The following DTWD2 variants were observed in gnomAD, a reference collection of about 807,000 sequenced individuals.
DTWD2 encodes tRNA-uridine aminocarboxypropyltransferase 2.
In DTWD2, 39 loss-of-function variants were observed where a neutral mutation model predicts 31.8. The ratio of observed to expected loss-of-function variants is 1.22; its 90% CI spans 0.95 to 1.60. DTWD2 has a LOEUF of 1.60. Ranked by LOEUF, DTWD2 falls within the 40% of genes most tolerant of loss-of-function variation. The pLI, the probability that DTWD2 is intolerant of heterozygous loss-of-function variation, is 0.00. For missense variants in DTWD2, 515 were observed against 381.5 expected (o/e 1.35, Z -2.92); for synonymous variants, 180 against 142.8 (o/e 1.26, Z -1.86).
intron 2 of DTWD2, among the ~76,000 whole-genome samples, chr5:118,941,625 G>A (rs1451334976): frequency 6.6e-6 from 1 of 152,164 alleles, no homozygotes; most frequent in African/African-American, 2.4e-5. Flanking sequence ...TGTGAGTAGT[G>A]CTGCAATAAA....
intron 1 of DTWD2, among the ~76,000 whole-genome samples, chr5:118,947,457 C>A (rs964928028): frequency 6.6e-6 from 1 of 152,148 alleles, no homozygotes; most frequent in African/African-American, 2.4e-5. Flanking sequence ...GCTGGACTCT[C>A]CGAAGCAACA....
chr5:118,901,513 G>C (rs1022935014), intron 4 of DTWD2, among the ~76,000 whole-genome samples: 9 of 152,032 alleles, frequency 5.9e-5, no homozygotes, highest in Admixed American at 2.6e-4. Context: ...TTGCTATCTT[G>C]CCTAAGTCAC....
intron 4 of DTWD2, among the ~76,000 whole-genome samples, chr5:118,889,899 G>C (rs766537129): frequency 6.6e-6 from 1 of 152,036 alleles, no homozygotes; most frequent in African/African-American, 2.4e-5. Flanking sequence ...CTTCAAAAAC[G>C]TATGCATCAT....
chr5:118,862,081 C>T (rs1561430871), intron 4 of DTWD2, among the ~76,000 whole-genome samples: 3 of 152,206 alleles, frequency 2.0e-5, no homozygotes, highest in South Asian at 4.1e-4. Flanking sequence ...GTCAGATCCA[C>T]CACAGCACTA....
In DTWD2 at chr5:118,839,158, T is replaced by C. The variant is rs1580757240; in HGVS notation, c.*1759A>G. On this transcript the variant is annotated 3_prime_UTR_variant, in exon 6 of 6. Transcript: ENST00000510708. ...GCCTGGGCGACAGAGCGAGATTCCA[T>C]CTCAAATAATAATAATAATAATAAT... The C allele has an allele frequency of 7.1e-6, 1 of 141,250 alleles. No individual in the cohort carries two copies. The highest frequency in any genetic ancestry group is 6.6e-5 in the Admixed American group (1 of 15,074). The allele number at this position is 141,250 out of a possible 1,614,324, so 8.7% of individuals were successfully genotyped here.
intron 3 of DTWD2, among the ~76,000 whole-genome samples, chr5:118,936,128 C>T (rs990989464): frequency 2.6e-5 from 4 of 152,144 alleles, no homozygotes; most frequent in Admixed American, 1.3e-4. Context: ...CGACACACTC[C>T]TGAACAATCC....
At chr5:118,965,721 A>T (rs1386001550) in intron 1 of DTWD2, among the ~76,000 whole-genome samples, 2 of 152,074 alleles carry the variant, frequency 1.3e-5, no homozygotes, top group Non-Finnish European at 2.9e-5. Context: ...GCTTTGTTAA[A>T]CAGATGCCTG....
intron 4 of DTWD2, among the ~76,000 whole-genome samples, chr5:118,881,941 T>G (rs1752751462): frequency 6.6e-6 from 1 of 152,158 alleles, no homozygotes; most frequent in Non-Finnish European, 1.5e-5. Context: ...CTCATGTAAT[T>G]TGCACATTTC....
At chr5:118,925,351 T>C (rs1370765373) in intron 4 of DTWD2, among the ~76,000 whole-genome samples, 1 of 152,218 alleles carries the variant, frequency 6.6e-6, no homozygotes, top group African/African-American at 2.4e-5. Flanking sequence ...AAATAGAGAA[T>C]GTACATTTTT....
intron 4 of DTWD2, among the ~76,000 whole-genome samples, chr5:118,899,507 G>A (rs1580794648): frequency 6.6e-6 from 1 of 152,080 alleles, no homozygotes; most frequent in East Asian, 1.9e-4. Flanking sequence ...CAAATAACAA[G>A]CACTGACTGC....
intron 4 of DTWD2, among the ~76,000 whole-genome samples, chr5:118,904,898 A>C (rs1180915078): frequency 6.6e-6 from 1 of 152,100 alleles, no homozygotes; most frequent in Non-Finnish European, 1.5e-5. Context: ...AAGGAGCTAC[A>C]TTTCACCTCT....
At chr5:118,897,694 T>C (rs531337742) in intron 4 of DTWD2, among the ~76,000 whole-genome samples, 3 of 152,180 alleles carry the variant, frequency 2.0e-5, no homozygotes, top group South Asian at 2.1e-4. Context: ...ATACAAACCA[T>C]ACAAACCACT....
Position 118,920,255 on chromosome 5 carries a change from G to T in DTWD2, c.597+8282C>A, listed in dbSNP as rs563026288. Among the ~76,000 whole-genome samples the T allele has an allele frequency of 3.9e-5, 6 of 152,112 alleles. No individual in the cohort carries two copies. The East Asian group carries it at 1.2e-3, about 29-fold the overall frequency. ...TTTCAAGGAATGCTCCCATGAAAAG[G>T]AAAACTGGGGTATCATATATATTAC... is the stretch of plus-strand genomic sequence containing the variant. On this transcript the variant is annotated intron_variant, in intron 4 of 5. Transcript: ENST00000510708.
intron 5 of DTWD2, among the ~76,000 whole-genome samples, chr5:118,846,641 T>G (rs1045931793): frequency 6.6e-6 from 1 of 152,090 alleles, no homozygotes; most frequent in South Asian, 2.1e-4. Flanking sequence ...CATAATTCTA[T>G]TAAGACACCT....
chr5:118,985,156 A>G (rs1360121202), intron 1 of DTWD2, among the ~76,000 whole-genome samples: 1 of 151,832 alleles, frequency 6.6e-6, no homozygotes, highest in Non-Finnish European at 1.5e-5. Flanking sequence ...AAACTCCCCA[A>G]ATACACTATA....
intron 1 of DTWD2, among the ~76,000 whole-genome samples, chr5:118,969,212 G>A (rs1561476070): frequency 6.6e-6 from 1 of 152,036 alleles, no homozygotes; most frequent in Non-Finnish European, 1.5e-5. Context: ...GGGAAGCGGT[G>A]ACTGTATTTG....
intron 4 of DTWD2, among the ~76,000 whole-genome samples, chr5:118,925,547 T>C (rs1753791020): frequency 6.6e-6 from 1 of 152,152 alleles, no homozygotes; most frequent in Non-Finnish European, 1.5e-5. Context: ...TGGAGATTCC[T>C]TAAAGAACTA....
chr5:118,848,042 T>A (rs1474086977), intron 5 of DTWD2, 48 bp downstream of exon 5: 2 of 1,450,122 alleles, frequency 1.4e-6, no homozygotes, highest in Non-Finnish European at 1.8e-6. Flanking sequence ...CTAGGTAAAA[T>A]CTAAGAAAAC....
intron 4 of DTWD2, among the ~76,000 whole-genome samples, chr5:118,851,339 T>C (rs1022730641): frequency 1.1e-4 from 17 of 149,674 alleles, no homozygotes; most frequent in Admixed American, 7.4e-4. Context: ...AGAGAAAGAG[T>C]ACAAAGAGAG....
Sources: allele counts gnomAD v4.1 joint callset (sites outside exome capture counted in the v4.1 genomes callset), GRCh38; gene constraint gnomAD v4.1.1; transcripts MANE v1.5; gene names NCBI Gene and HGNC (gene_info 2026-07-23, HGNC 2026-07-21).